The following ZNF536 variants were observed in gnomAD, a reference collection of about 807,000 sequenced individuals.
ZNF536 encodes zinc finger protein 536.
ZNF536 carries 13 observed loss-of-function variants against 84.5 expected under a neutral mutation model. That is an observed-to-expected ratio of 0.15 (90% CI 0.10 to 0.24). The LOEUF (loss-of-function observed/expected upper bound fraction) is 0.24, where lower values mean the gene tolerates loss of function less well. Ranked by LOEUF, ZNF536 falls within the 10% of genes least tolerant of loss-of-function variation. ZNF536 has a pLI of 1.00. For synonymous variants in ZNF536, 811 were observed against 742.5 expected (o/e 1.09, Z -1.50); for missense variants, 1,536 against 1,747.5 (o/e 0.88, Z 2.16).
At chr19:30,508,865 T>C (rs1315169303) in intron 2 of ZNF536, among the ~76,000 whole-genome samples, 2 of 142,452 alleles carry the variant, frequency 1.4e-5, no homozygotes, top group Non-Finnish European at 3.0e-5. Flanking sequence ...TCTTGCTCTG[T>C]CACCCAGGCT....
chr19:30,248,663 A>G (rs1200689589), intron 1 of ZNF536, among the ~76,000 whole-genome samples: 1 of 152,134 alleles, frequency 6.6e-6, no homozygotes, highest in Non-Finnish European at 1.5e-5. Context: ...TGCCCATCCC[A>G]TATGAGTTAG....
chr19:30,646,720 T>C (rs759572656), intron 1 of ZNF536, among the ~76,000 whole-genome samples: 4 of 152,236 alleles, frequency 2.6e-5, no homozygotes, highest in Non-Finnish European at 5.9e-5. Context: ...GATGGTCATG[T>C]ATTCATCATA....
chr19:30,627,759 C>A (rs2048740577), intron 1 of ZNF536, among the ~76,000 whole-genome samples: 1 of 152,196 alleles, frequency 6.6e-6, no homozygotes, highest in African/African-American at 2.4e-5. Context: ...CCTGCGTTGA[C>A]CTTCCCCTGA....
Position 30,701,191 on chromosome 19 carries a change from T to TCACA in ZNF536, c.170-9542_170-9539dup, listed in dbSNP as rs56314262. Among the ~76,000 whole-genome samples the TCACA allele has an allele frequency of 2.8e-3, 414 of 149,986 alleles. 2 individuals carry two copies. The highest frequency in any genetic ancestry group is 6.3e-3 in the South Asian group (30 of 4,734). Reference sequence around the variant, plus strand: ...CTGGTGCATGTGCTATATCTCACTCTCACACACACACACACACACACACAC... The same window carrying TCACA: ...CTGGTGCATGTGCTATATCTCACTCTCACACACACACACACACACACACACACAC... On this transcript the variant is annotated intron_variant, in intron 1 of 1. Coordinates refer to the ZNF536 transcript ENST00000592773.
intron 1 of ZNF536, among the ~76,000 whole-genome samples, chr19:30,658,825 C>CAGAGA (rs2147544906): frequency 6.6e-6 from 1 of 152,254 alleles, no homozygotes; most frequent in Admixed American, 6.5e-5. Context: ...GTGACCAGCC[C>CAGAGA]AGAGAAGAGA....
intron 1 of ZNF536, among the ~76,000 whole-genome samples, chr19:30,615,908 ATC>A (rs1246567635): frequency 6.6e-6 from 1 of 151,124 alleles, no homozygotes; most frequent in African/African-American, 2.4e-5. Context: ...CTGCCTCTCT[ATC>A]TCTCTGTCTG....
At chr19:30,231,186 G>A (rs2023009425) in intron 1 of ZNF536, among the ~76,000 whole-genome samples, 1 of 152,206 alleles carries the variant, frequency 6.6e-6, no homozygotes, top group East Asian at 1.9e-4. Flanking sequence ...TGAGTTTTCT[G>A]CAGGTCAACA....
At chr19:30,562,280 C>T (rs925885300), downstream of ZNF536, among the ~76,000 whole-genome samples, 3 of 152,106 alleles carry the variant, frequency 2.0e-5, no homozygotes, top group African/African-American at 4.8e-5. Flanking sequence ...CAGTAGGGCC[C>T]CTGGGATATG....
At chr19:30,452,461 T>C (rs1270519435) in intron 2 of ZNF536, among the ~76,000 whole-genome samples, 21 of 152,226 alleles carry the variant, frequency 1.4e-4, no homozygotes, top group Non-Finnish European at 7.3e-5. Flanking sequence ...CAGGTAGCCC[T>C]GATGTCTCAA....
chr19:30,547,801 T>A (rs1354717975), intron 3 of ZNF536, 142 bp from the exon 4 acceptor site: 1 of 934,566 alleles, frequency 1.1e-6, no homozygotes, highest in Non-Finnish European at 1.5e-6. Context: ...TACGAATTAT[T>A]CTTCTATTAA....
At chr19:30,306,644 G>A (rs781524153) in intron 2 of ZNF536, among the ~76,000 whole-genome samples, 16 of 152,208 alleles carry the variant, frequency 1.1e-4, no homozygotes, top group South Asian at 4.1e-4. Flanking sequence ...GAAAGAAGGC[G>A]AAAATGTTCT....
chr19:30,629,778 G>A (rs1289304618), intron 1 of ZNF536, among the ~76,000 whole-genome samples: 1 of 152,190 alleles, frequency 6.6e-6, no homozygotes, highest in Non-Finnish European at 1.5e-5. Context: ...GTCAACCAGT[G>A]CATCCACATT....
rs138146763 is a variant in ZNF536, at chr19:30,634,082, G to A, written c.170-76675G>A. 1.9e-3 allele frequency among the ~76,000 whole-genome samples: 288 copies of A among 152,018 alleles called. 2 individuals carry two copies. Among genetic ancestry groups the A allele is most frequent in the Admixed American group, 3.5e-3 (53 of 15,262 alleles). On this transcript the variant is annotated intron_variant, in intron 1 of 1. Coordinates refer to the ZNF536 transcript ENST00000592773. ...CAGGAGCTCAGGCTGCAGGAAGGTC[G>A]TTTCCATTGCATCCCTGTGCTAGCT... is the stretch of plus-strand genomic sequence containing the variant.
intron 2 of ZNF536, among the ~76,000 whole-genome samples, chr19:30,287,406 G>T: frequency 6.6e-6 from 1 of 151,668 alleles, no homozygotes. Context: ...TAAATGAATG[G>T]ATGGATGGAT....
intron 2 of ZNF536, among the ~76,000 whole-genome samples, chr19:30,327,244 G>C (rs1246869488): frequency 6.6e-6 from 1 of 152,152 alleles, no homozygotes; most frequent in Non-Finnish European, 1.5e-5. Context: ...AATCCAGGAG[G>C]AGTGCATATT....
At chr19:30,688,744 G>A (rs906827895) in intron 1 of ZNF536, among the ~76,000 whole-genome samples, 5 of 152,162 alleles carry the variant, frequency 3.3e-5, no homozygotes, top group African/African-American at 9.7e-5. Flanking sequence ...ATTTAAGTGT[G>A]TGCCTGAGAG....
intron 1 of ZNF536, among the ~76,000 whole-genome samples, chr19:30,574,383 C>A (rs902923927): frequency 1.3e-5 from 2 of 152,228 alleles, no homozygotes; most frequent in African/African-American, 4.8e-5. Flanking sequence ...CCCAGAGGTG[C>A]AACTCCCAAG....
chr19:30,649,362 G>A (rs2049609370), intron 1 of ZNF536, among the ~76,000 whole-genome samples: 1 of 152,134 alleles, frequency 6.6e-6, no homozygotes, highest in South Asian at 2.1e-4. Context: ...TTAACAGGGG[G>A]ACATACACAG....
intron 2 of ZNF536, among the ~76,000 whole-genome samples, chr19:30,289,764 G>A (rs142273197): frequency 0.022 from 3,351 of 152,242 alleles, 59 homozygotes; most frequent in Non-Finnish European, 0.033. Flanking sequence ...TGTTTGTTAC[G>A]TTGCTCTTAT....
Sources: allele counts gnomAD v4.1 joint callset (sites outside exome capture counted in the v4.1 genomes callset), GRCh38; gene constraint gnomAD v4.1.1; transcripts MANE v1.5; gene names NCBI Gene and HGNC (gene_info 2026-07-23, HGNC 2026-07-21).